The following OXR1 variants were observed in gnomAD, a reference collection of about 807,000 sequenced individuals.
OXR1 encodes oxidation resistance 1, also known as oxidation resistance protein 1.
In OXR1, 41 loss-of-function variants were observed where a neutral mutation model predicts 104.6. The ratio of observed to expected loss-of-function variants is 0.39; its 90% CI spans 0.31 to 0.51. The LOEUF (loss-of-function observed/expected upper bound fraction) is 0.51. OXR1 is among the 20% of genes least tolerant of loss of function. The pLI is 0.77. For missense variants in OXR1, 955 were observed against 1,031.9 expected (o/e 0.93, Z 1.02); for synonymous variants, 348 against 348.4 (o/e 1.00, Z 0.01).
intron 3 of OXR1, among the ~76,000 whole-genome samples, chr8:106,576,681 CTT>C (rs1356045143): frequency 3.3e-5 from 5 of 152,062 alleles, no homozygotes; most frequent in Middle Eastern, 3.4e-3. Context: ...GAGGATGTCT[CTT>C]GAGTAATATT....
intron 2 of OXR1, among the ~76,000 whole-genome samples, chr8:106,433,971 T>C (rs1586638930): frequency 6.6e-6 from 1 of 152,204 alleles, no homozygotes; most frequent in East Asian, 1.9e-4. Context: ...TTTAAATTAT[T>C]TTTTGCTTTG....
At chr8:106,407,522 G>T (rs941699476) in intron 2 of OXR1, among the ~76,000 whole-genome samples, 1 of 152,136 alleles carries the variant, frequency 6.6e-6, no homozygotes, top group African/African-American at 2.4e-5. Context: ...GCCAGTTGAG[G>T]TCATCTACTA....
intron 3 of OXR1, among the ~76,000 whole-genome samples, chr8:106,636,315 ATT>A (rs11348392): frequency 2.2e-3 from 328 of 148,734 alleles, no homozygotes; most frequent in African/African-American, 7.1e-3. Flanking sequence ...AAAGCACATC[ATT>A]TTTTTTTTTT....
At chr8:106,464,043 A>G (rs1212979430) in intron 2 of OXR1, among the ~76,000 whole-genome samples, 4 of 151,788 alleles carry the variant, frequency 2.6e-5, no homozygotes, top group African/African-American at 9.7e-5. Context: ...AAGTGAACTT[A>G]CCTATTTTTT....
At chr8:106,382,447 T>C (rs1234605596) in intron 2 of OXR1, among the ~76,000 whole-genome samples, 1 of 152,184 alleles carries the variant, frequency 6.6e-6, no homozygotes, top group East Asian at 1.9e-4. Flanking sequence ...GTTTCCTTCC[T>C]GTCCATGGAT....
chr8:106,305,304 G>A (rs1215555458), intron 1 of OXR1, among the ~76,000 whole-genome samples: 2 of 152,078 alleles, frequency 1.3e-5, no homozygotes, highest in Admixed American at 6.5e-5. Context: ...TAATAAAAAA[G>A]TTGATGTGTA....
intron 3 of OXR1, among the ~76,000 whole-genome samples, chr8:106,594,390 A>AG (rs1353773960): frequency 6.6e-6 from 1 of 152,210 alleles, no homozygotes; most frequent in African/African-American, 2.4e-5. Flanking sequence ...GGAAGTTTGT[A>AG]TAAGTGGTCC....
chr8:106,620,685 T>C (rs1586911584), intron 3 of OXR1, among the ~76,000 whole-genome samples: 1 of 152,232 alleles, frequency 6.6e-6, no homozygotes, highest in South Asian at 2.1e-4. Context: ...ATTCAAGTTA[T>C]GTTTCTGCTC....
At chr8:106,439,594 T>C (rs1819705466) in intron 2 of OXR1, among the ~76,000 whole-genome samples, 2 of 152,138 alleles carry the variant, frequency 1.3e-5, no homozygotes, top group African/African-American at 4.8e-5. Flanking sequence ...GTGTTATGAA[T>C]TCCCATGTAG....
intron 2 of OXR1, among the ~76,000 whole-genome samples, chr8:106,480,677 A>G (rs1017909331): frequency 6.6e-6 from 1 of 151,914 alleles, no homozygotes; most frequent in African/African-American, 2.4e-5. Context: ...TGCTCCAACA[A>G]TGGGGGAGGT....
chr8:106,690,017 AT>A (rs1317450517), intron 6 of OXR1, among the ~76,000 whole-genome samples: 9 of 151,228 alleles, frequency 6.0e-5, no homozygotes, highest in East Asian at 1.9e-4. Context: ...TAGAATATAT[AT>A]TTTTTAACTT....
intron 3 of OXR1, among the ~76,000 whole-genome samples, chr8:106,653,170 ATT>A (rs1824763723): frequency 6.6e-6 from 1 of 151,256 alleles, no homozygotes; most frequent in African/African-American, 2.4e-5. Context: ...TCAATGGTGA[ATT>A]CTACCAAACA....
chr8:106,710,609 A>G lies in OXR1; in HGVS notation c.1625-13A>G, dbSNP rs755090819. On this transcript the variant is annotated splice_polypyrimidine_tract_variant and intron_variant, in intron 9 of 16. Transcript: ENST00000517566. Reference sequence around the variant, plus strand: ...TGAGAATTGAATAAACACTGTTTGCATCTCAATTCTAGGTTCTGCACTTTT... The same window carrying G: ...TGAGAATTGAATAAACACTGTTTGCGTCTCAATTCTAGGTTCTGCACTTTT... 5 of 1,536,716 alleles carry G rather than the reference A, an allele frequency of 3.3e-6. No homozygotes were observed. In the African/African-American group the frequency reaches 4.2e-5, roughly 13 times the overall value.
At chr8:106,565,596 T>C (rs1359035978) in intron 3 of OXR1, among the ~76,000 whole-genome samples, 1 of 152,120 alleles carries the variant, frequency 6.6e-6, no homozygotes, top group African/African-American at 2.4e-5. Flanking sequence ...CAAGCTACCA[T>C]TGACTTTCTT....
intron 3 of OXR1, among the ~76,000 whole-genome samples, chr8:106,619,282 T>TTGA (rs1387591142): frequency 3.4e-4 from 51 of 152,154 alleles, no homozygotes; most frequent in Non-Finnish European, 7.4e-5. Flanking sequence ...AGCTAAGAGG[T>TTGA]TGACTATCTT....
intron 3 of OXR1, among the ~76,000 whole-genome samples, chr8:106,601,376 A>G (rs1443522609): frequency 2.6e-5 from 4 of 152,096 alleles, no homozygotes; most frequent in African/African-American, 9.7e-5. Context: ...CACAGTTTGG[A>G]AGCTGGAAAG....
intron 2 of OXR1, among the ~76,000 whole-genome samples, chr8:106,363,952 T>C (rs953725822): frequency 1.3e-5 from 2 of 152,254 alleles, no homozygotes; most frequent in African/African-American, 2.4e-5. Context: ...TTTTTTCAGT[T>C]TTAGAAAAGG....
chr8:106,683,115 C>A, intron 4 of OXR1, 84 bp from the exon 5 acceptor site: 1 of 642,174 alleles, frequency 1.6e-6, no homozygotes, highest in South Asian at 2.0e-5. Context: ...AAGCTGGTCC[C>A]TAGATATATT....
At chr8:106,726,199 A>G in intron 11 of OXR1, 1 of 1,502,900 alleles carries the variant, frequency 6.7e-7, no homozygotes, top group Non-Finnish European at 8.8e-7. Flanking sequence ...TTTTGAAAAC[A>G]GTTCTTACGT....
Sources: gnomAD v4.1 joint callset for allele counts (sites outside exome capture counted in the v4.1 genomes callset) on GRCh38, gnomAD v4.1.1 for gene constraint, MANE v1.5 for transcripts, NCBI Gene and HGNC (gene_info 2026-07-23, HGNC 2026-07-21) for gene names.